RIOX2: variants seen among roughly 807,000 people sequenced by gnomAD.
The protein encoded by RIOX2 is 60S ribosomal protein L27a histidine hydroxylase.
Under a neutral mutation model 51.2 loss-of-function variants are expected in RIOX2, and 43 were observed. The ratio of observed to expected loss-of-function variants is 0.84; its 90% CI spans 0.66 to 1.08. The LOEUF (loss-of-function observed/expected upper bound fraction) is 1.08, where lower values mean the gene tolerates loss of function less well. RIOX2 is among the 50% of genes least tolerant of loss of function. RIOX2 has a pLI of 0.00. For synonymous variants in RIOX2, 226 were observed against 218.5 expected (o/e 1.03, Z -0.30); for missense variants, 566 against 561.7 (o/e 1.01, Z -0.08).
At chr3:97,970,435 C>T (rs1706084062) in intron 1 of RIOX2, among the ~76,000 whole-genome samples, 1 of 152,206 alleles carries the variant, frequency 6.6e-6, no homozygotes, top group African/African-American at 2.4e-5. Context: ...ACAACCATTC[C>T]TCTTAACAGC....
At chr3:97,954,155 A>C in intron 5 of RIOX2, 3 of 470,072 alleles carry the variant, frequency 6.4e-6, no homozygotes, top group Non-Finnish European at 7.7e-6. Flanking sequence ...GTGACTCTCT[A>C]TTTGGGCAAT....
At chr3:97,958,514 C>A (rs1347613911) in intron 4 of RIOX2, among the ~76,000 whole-genome samples, 1 of 152,178 alleles carries the variant, frequency 6.6e-6, no homozygotes, top group African/African-American at 2.4e-5. Context: ...GAGAAGGAAT[C>A]CTCAAGAACT....
At chr3:97,961,743 G>T (rs77081651) in intron 2 of RIOX2, 35 bp from the exon 3 acceptor site, 1 of 1,553,438 alleles carries the variant, frequency 6.4e-7, no homozygotes. Context: ...GGGTCGGCGT[G>T]GGGGAGTGAA....
intron 5 of RIOX2, among the ~76,000 whole-genome samples, chr3:97,953,630 G>A (rs568183188): frequency 5.4e-4 from 82 of 152,178 alleles, no homozygotes; most frequent in Admixed American, 1.0e-3. Context: ...CGATCCACCC[G>A]CCTCAGCCTC....
At chr3:97,947,475 C>A (rs755525173) in intron 7 of RIOX2, 26 bp from the exon 8 acceptor site, 6 of 1,589,910 alleles carry the variant, frequency 3.8e-6, no homozygotes, top group Non-Finnish European at 5.2e-6. Context: ...GAGAGAAAGC[C>A]GACCTTCAAA....
Position 97,958,928 on chromosome 3 carries a change from C to T in RIOX2, c.681+123G>A, listed in dbSNP as rs553569999. 316 of 1,113,200 alleles carry T rather than the reference C, an allele frequency of 2.8e-4. 2 individuals carry two copies. In the African/African-American group the frequency reaches 4.8e-3, roughly 17 times the overall value. 69.0% of individuals were successfully genotyped at this position (1,113,200 alleles called of 1,614,324 possible). A position where few individuals can be genotyped will look rare whatever the true frequency, so the allele number is the denominator to read the frequency against. ...AATGAGAAGCACCCTGCCCTGAAAC[C>T]CAGGGATATATTCCCACGGGGACCA... On this transcript the variant is annotated intron_variant, in intron 4 of 9. Coordinates refer to ENST00000394198, the MANE Select transcript of RIOX2 (RefSeq NM_153182.4).
intron 2 of RIOX2, among the ~76,000 whole-genome samples, chr3:97,964,470 C>T (rs1264641526): frequency 6.6e-6 from 1 of 151,712 alleles, no homozygotes; most frequent in African/African-American, 2.4e-5. Flanking sequence ...GCAGGTGGAT[C>T]ACAAGATCAG....
At chr3:97,958,991 AGCAATAGGGGAAACCACAATG>A in intron 4 of RIOX2, 39 bp downstream of exon 4, 1 of 1,512,738 alleles carries the variant, frequency 6.6e-7, no homozygotes, top group Middle Eastern at 1.8e-4. Flanking sequence ...AACTTGTCTT[AGCAATAGGGGAAACCACAATG>A]GCTCTAACAA....
At chr3:97,959,282 A>G (rs899169490) in intron 3 of RIOX2, 103 bp from the exon 4 acceptor site, 11 of 769,908 alleles carry the variant, frequency 1.4e-5, no homozygotes, top group African/African-American at 1.9e-5. Context: ...AGACAAATAT[A>G]TAGGTGAACC....
chr3:97,962,097 C>T (rs543956702), intron 2 of RIOX2, among the ~76,000 whole-genome samples: 14 of 152,180 alleles, frequency 9.2e-5, no homozygotes, highest in Middle Eastern at 3.4e-3. Context: ...GGCAGCAGCT[C>T]AAGCGAGAAG....
rs531208799 is a variant in RIOX2 at position 97,957,900 on chromosome 3, C to T, written c.681+1151G>A. 1.1e-4 allele frequency among the ~76,000 whole-genome samples: 16 copies of T among 152,256 alleles called. No homozygotes were observed. The South Asian group carries it at 1.5e-3, about 14-fold the overall frequency. ...CATGTGATCTCTGTGGCAACTAGTCCGCTCTGCTGGTGTAGTATGAACACA... is the reference window on the plus strand; with the variant it reads ...CATGTGATCTCTGTGGCAACTAGTCTGCTCTGCTGGTGTAGTATGAACACA... On this transcript the variant is annotated intron_variant, in intron 4 of 9. Coordinates refer to ENST00000394198, the MANE Select transcript of RIOX2 (RefSeq NM_153182.4).
chr3:97,967,293 T>C lies in RIOX2; in HGVS notation c.301A>G (p.Asn101Asp), dbSNP rs1472887328. Residue 101 changes from asparagine (N) to aspartate (D), a missense_variant, in exon 2 of 10, where the codon AAT becomes GAT. Coordinates refer to ENST00000394198, the MANE Select transcript of RIOX2 (RefSeq NM_153182.4). ...SRGMYYGRDV[N>D]VCRCVNGKKK... The stretch of plus-strand genomic sequence containing the variant: ...TTCCCATTGACACACCGGCAGACAT[T>C]CACATCTCTTCCATAGTACATCCCC... 5 of 1,614,186 alleles carry C rather than the reference T, an allele frequency of 3.1e-6. No homozygotes were observed. The highest frequency in any genetic ancestry group is 4.2e-6 in the Non-Finnish European group (5 of 1,180,040).
intron 1 of RIOX2, among the ~76,000 whole-genome samples, chr3:97,968,247 T>C (rs1705972422): frequency 1.3e-5 from 2 of 152,176 alleles, no homozygotes; most frequent in Non-Finnish European, 1.5e-5. Flanking sequence ...CTTCCAACTC[T>C]GAGCTTATTC....
chr3:97,946,076 CTATACTTCATTAGTCACCACAGGT>C (rs2040350235), intron 8 of RIOX2, among the ~76,000 whole-genome samples, 189 bp from the exon 9 acceptor site: 2 of 152,068 alleles, frequency 1.3e-5, no homozygotes, highest in Non-Finnish European at 2.9e-5. Flanking sequence ...CACACAATGT[CTATACTTCATTAGTCACCACAGGT>C]TACTATTTGT....
chr3:97,967,693 T>C (rs2107198107), intron 1 of RIOX2, 61 bp from the exon 2 acceptor site: 2 of 1,197,808 alleles, frequency 1.7e-6, no homozygotes, highest in South Asian at 3.1e-5. Flanking sequence ...TTGGTGTTAG[T>C]GGATCGCGCG....
intron 4 of RIOX2, among the ~76,000 whole-genome samples, chr3:97,956,764 G>A (rs1346537845): frequency 6.6e-6 from 1 of 152,090 alleles, no homozygotes; most frequent in Non-Finnish European, 1.5e-5. Flanking sequence ...CAAAGTGCTG[G>A]GATTACAGGC....
chr3:97,952,250 T>C (rs1217142940), intron 5 of RIOX2: 1 of 1,289,252 alleles, frequency 7.8e-7, no homozygotes, highest in Admixed American at 2.3e-5. Context: ...AGCTCCAGCA[T>C]CACTGTCCAA....
At chr3:97,955,673 G>C (rs1020154483) in intron 4 of RIOX2, among the ~76,000 whole-genome samples, 2 of 152,144 alleles carry the variant, frequency 1.3e-5, no homozygotes, top group African/African-American at 2.4e-5. Flanking sequence ...CATTTACTGA[G>C]TGTCTCTGTG....
intron 2 of RIOX2, among the ~76,000 whole-genome samples, chr3:97,962,888 C>T (rs754059687): frequency 6.6e-6 from 1 of 152,112 alleles, no homozygotes; most frequent in Non-Finnish European, 1.5e-5. Flanking sequence ...AAAGTCCATA[C>T]CTTTCAGAGA....
Sources: gnomAD v4.1 joint callset for allele counts (sites outside exome capture counted in the v4.1 genomes callset) on GRCh38, gnomAD v4.1.1 for gene constraint, MANE v1.5 for transcripts, NCBI Gene and HGNC (gene_info 2026-07-23, HGNC 2026-07-21) for gene names.